ARHGAP44: variants seen among roughly 807,000 people sequenced by gnomAD.
ARHGAP44 encodes Rho GTPase activating protein 44.
Under a neutral mutation model 106.8 loss-of-function variants are expected in ARHGAP44, and 43 were observed. That is an observed-to-expected ratio of 0.40 (90% CI 0.32 to 0.52). ARHGAP44 has a LOEUF of 0.52. ARHGAP44 is among the 20% of genes least tolerant of loss of function. The pLI is 0.48. For missense variants in ARHGAP44, 866 were observed against 1,050.5 expected, an observed-to-expected ratio of 0.82 and a Z score of 2.43; for synonymous variants, 439 against 410.3, an observed-to-expected ratio of 1.07 and a Z score of -0.85.
At chr17:12,832,337 A>T (rs1182763966) in intron 1 of ARHGAP44, among the ~76,000 whole-genome samples, 1 of 152,006 alleles carries the variant, frequency 6.6e-6, no homozygotes, top group Non-Finnish European at 1.5e-5. Context: ...AGGCCAGATG[A>T]GCCAATTTAT....
intron 1 of ARHGAP44, among the ~76,000 whole-genome samples, chr17:12,794,408 G>T (rs948962530): frequency 6.6e-6 from 1 of 152,114 alleles, no homozygotes; most frequent in East Asian, 1.9e-4. Flanking sequence ...GAGGTGGTTC[G>T]TTGTCACTGA....
chr17:12,989,913 G>C (rs2040075871), intron 20 of ARHGAP44, 119 bp from the exon 21 acceptor site: 1 of 1,415,500 alleles, frequency 7.1e-7, no homozygotes, highest in Non-Finnish European at 9.7e-7. Flanking sequence ...ACCTCCAAAT[G>C]ATCTATCCCT....
At chr17:12,872,686 C>G (rs1199104025) in intron 1 of ARHGAP44, among the ~76,000 whole-genome samples, 1 of 152,134 alleles carries the variant, frequency 6.6e-6, no homozygotes, top group Non-Finnish European at 1.5e-5. Flanking sequence ...ATTTTTCACT[C>G]TGCCCCTCAC....
At chr17:12,885,115 G>T (rs1257884596) in intron 1 of ARHGAP44, among the ~76,000 whole-genome samples, 1 of 152,108 alleles carries the variant, frequency 6.6e-6, no homozygotes, top group Admixed American at 6.5e-5. Flanking sequence ...TGGCCAGGTT[G>T]GTCTCGAACT....
intron 1 of ARHGAP44, among the ~76,000 whole-genome samples, chr17:12,817,354 T>G: frequency 6.6e-6 from 1 of 152,038 alleles, no homozygotes; most frequent in Non-Finnish European, 1.5e-5. Context: ...TGCACGCCTG[T>G]GTCAATAAAC....
chr17:12,920,984 C>T (rs911770804), intron 6 of ARHGAP44, among the ~76,000 whole-genome samples: 7 of 152,052 alleles, frequency 4.6e-5, no homozygotes, highest in African/African-American at 9.7e-5. Context: ...AAGGCAGGTG[C>T]GTGAGTATTA....
intron 1 of ARHGAP44, among the ~76,000 whole-genome samples, chr17:12,836,228 G>A (rs1030229314): frequency 1.3e-5 from 2 of 152,172 alleles, no homozygotes; most frequent in African/African-American, 4.8e-5. Flanking sequence ...GCAGAACGGA[G>A]CAAAGTTATG....
chr17:12,928,710 G>A (rs2038317221), intron 6 of ARHGAP44, among the ~76,000 whole-genome samples: 1 of 152,226 alleles, frequency 6.6e-6, no homozygotes, highest in Admixed American at 6.5e-5. Context: ...CCTATCTGAA[G>A]GGGCAGCTGA....
intron 10 of ARHGAP44, among the ~76,000 whole-genome samples, chr17:12,945,576 T>C (rs2038829236): frequency 6.6e-6 from 1 of 152,120 alleles, no homozygotes; most frequent in African/African-American, 2.4e-5. Context: ...GAACAGTCTG[T>C]AAGTCTCTAA....
At chr17:12,927,758 T>G (rs1234762223) in intron 6 of ARHGAP44, among the ~76,000 whole-genome samples, 2 of 152,112 alleles carry the variant, frequency 1.3e-5, no homozygotes, top group Non-Finnish European at 2.9e-5. Context: ...CTCCCCCTGC[T>G]CCCGCCTGAC....
rs201371135 is a variant in ARHGAP44, at chr17:12,952,722, C to CTTT, written c.1136+168_1136+170dup. On this transcript the variant is annotated intron_variant, in intron 13 of 20. Coordinates refer to ENST00000379672, the MANE Select transcript of ARHGAP44 (RefSeq NM_014859.6). ...AAGGTATTATTAACATGCATGGTCT[C>CTTT]TTTTTTTTTTTTTTTTTTTTTTTTT... 6.2e-4 allele frequency: 192 copies of CTTT among 307,790 alleles called. 1 individual carries two copies. Among genetic ancestry groups the CTTT allele is most frequent in the South Asian group, 9.6e-4 (25 of 26,068 alleles). The allele number at this position is 307,790 out of a possible 1,614,324, so 19.1% of individuals were successfully genotyped here.
At chr17:12,968,597 AT>A (rs1265993990) in intron 16 of ARHGAP44, among the ~76,000 whole-genome samples, 2 of 149,390 alleles carry the variant, frequency 1.3e-5, no homozygotes, top group East Asian at 3.9e-4. Context: ...TCTAAGTAGC[AT>A]TTTAGCAAGC....
At chr17:12,865,713 T>C (rs570026478) in intron 1 of ARHGAP44, among the ~76,000 whole-genome samples, 64 of 147,086 alleles carry the variant, frequency 4.4e-4, no homozygotes, top group African/African-American at 1.5e-3. Context: ...GGCGTGAACC[T>C]GGGAGGCGGA....
At chr17:12,917,821 G>A (rs190889410) in intron 5 of ARHGAP44, among the ~76,000 whole-genome samples, 8 of 152,162 alleles carry the variant, frequency 5.3e-5, no homozygotes, top group South Asian at 2.1e-4. Context: ...TTTAATTTTC[G>A]TTAATTTAAA....
chr17:12,988,394 C>T (rs990718708), intron 20 of ARHGAP44: 3 of 152,238 alleles, frequency 2.0e-5, no homozygotes, highest in Admixed American at 6.5e-5. Context: ...TGATAGCGAA[C>T]CCTGCACAGT....
At chr17:12,959,128 TATTA>T (rs1375430344) in intron 16 of ARHGAP44, 2 of 533,638 alleles carry the variant, frequency 3.7e-6, no homozygotes, top group Non-Finnish European at 6.7e-6. Context: ...TTGTGATCAG[TATTA>T]ATTAGTTCTC....
At chr17:12,976,544 C>T (rs1402843819) in intron 18 of ARHGAP44, among the ~76,000 whole-genome samples, 4 of 138,812 alleles carry the variant, frequency 2.9e-5, no homozygotes, top group Admixed American at 1.6e-4. Flanking sequence ...ACCCAGGAGG[C>T]GGAGGTTGCA....
intron 17 of ARHGAP44, 184 bp downstream of exon 17, chr17:12,973,503 C>T: frequency 1.5e-6 from 1 of 647,184 alleles, no homozygotes; most frequent in Non-Finnish European, 2.7e-6. Context: ...GCACAAGCAG[C>T]CCCTTCCCTG....
At chr17:12,898,629 G>A (rs1023599842) in intron 3 of ARHGAP44, among the ~76,000 whole-genome samples, 19 of 152,144 alleles carry the variant, frequency 1.2e-4, no homozygotes, top group East Asian at 1.9e-4. Context: ...CCAGCTCCAC[G>A]CATCACATCT....
Sources: allele counts gnomAD v4.1 joint callset (sites outside exome capture counted in the v4.1 genomes callset), GRCh38; gene constraint gnomAD v4.1.1; transcripts MANE v1.5; gene names NCBI Gene and HGNC (gene_info 2026-07-23, HGNC 2026-07-21).